Variants in ANKRD13D observed in about 807,000 individuals in gnomAD.
ANKRD13D encodes the protein ankyrin repeat domain-containing protein 13D.
A neutral mutation model predicts 68.8 loss-of-function variants in ANKRD13D; 24 were observed. The observed-to-expected ratio is 0.35, with a 90% CI of 0.25 to 0.49. The LOEUF (loss-of-function observed/expected upper bound fraction) is 0.49. Ranked by LOEUF, ANKRD13D falls within the 20% of genes least tolerant of loss-of-function variation. The pLI, the probability that ANKRD13D is intolerant of heterozygous loss-of-function variation, is 0.99. For missense variants in ANKRD13D, 735 were observed against 832.1 expected (o/e 0.88, Z 1.44); for synonymous variants, 331 against 336.1 (o/e 0.98, Z 0.16).
chr11:67,301,919 T>C lies in ANKRD13D; in HGVS notation c.1604+96T>C, dbSNP rs1590877344. 1 of 1,397,492 alleles carries C rather than the reference T, an allele frequency of 7.2e-7. No homozygotes were observed. Among genetic ancestry groups the C allele is most frequent in the South Asian group, 1.4e-5 (1 of 70,768 alleles). 86.6% of individuals were successfully genotyped at this position (1,397,492 alleles called of 1,614,324 possible). On this transcript the variant is annotated intron_variant, in intron 14 of 14. Transcript: ENST00000511455. The surrounding 1 kb of genome is among the most constrained non-coding windows in gnomAD (Gnocchi z 4.5). The stretch of plus-strand genomic sequence containing the variant: ...GAAGGTGCTAGGACCCCAGGCCCTC[T>C]GCAAGGCCACCCTCTGTCAGCAGCG...
rs372406841 is a variant in ANKRD13D at position 67,299,926 on chromosome 11, G to C, written c.942+38G>C. Reference sequence around the variant, plus strand: ...TGGGCCGAGACAGGGCTGGCGGGGGGCCGAGCCTGGGCGGGAGGGCACCCT... The same window carrying C: ...TGGGCCGAGACAGGGCTGGCGGGGGCCCGAGCCTGGGCGGGAGGGCACCCT... On this transcript the variant is annotated intron_variant, in intron 9 of 14. Coordinates refer to ENST00000511455, the MANE Select transcript of ANKRD13D (RefSeq NM_207354.3). This position sits in a 1 kb window ranked among gnomAD's most constrained non-coding sequence, Gnocchi z 6.2. 6.4e-7 allele frequency: 1 copy of C among 1,564,656 alleles called. No homozygotes were observed. Among genetic ancestry groups the C allele is most frequent in the Admixed American group, 1.8e-5 (1 of 55,916 alleles).
At chr11:67,297,526 GTTTT>G in intron 6 of ANKRD13D, among the ~76,000 whole-genome samples, 1 of 134,394 alleles carries the variant, frequency 7.4e-6, no homozygotes, top group East Asian at 2.2e-4. Context: ...AAGTTTTTTG[GTTTT>G]TTTTTTTTTT....
intron 6 of ANKRD13D, chr11:67,298,507 C>T (rs1366453218): frequency 6.3e-6 from 1 of 157,796 alleles, no homozygotes; most frequent in African/African-American, 2.4e-5. Context: ...TCTTCTGGTT[C>T]TTTGTTGATC....
rs1590873543 is a variant in ANKRD13D, at chr11:67,299,707, G to C, written c.880+96G>C. The C allele has an allele frequency of 2.0e-6, 3 of 1,527,552 alleles. No individual in the cohort carries two copies. The East Asian group carries it at 7.2e-5, about 36-fold the overall frequency. 94.6% of individuals were successfully genotyped at this position (1,527,552 alleles called of 1,614,324 possible). A position where few individuals can be genotyped will look rare whatever the true frequency, so the allele number is the denominator to read the frequency against. On this transcript the variant is annotated intron_variant, in intron 8 of 14. Transcript: ENST00000511455. This position sits in a 1 kb window ranked among gnomAD's most constrained non-coding sequence, Gnocchi z 6.2. Reference sequence around the variant, plus strand: ...GGCCAGAGTTTCCCAGGATGAGCTGGGAGGCCTCCCCATTCCCGTCTGACC... The same window carrying C: ...GGCCAGAGTTTCCCAGGATGAGCTGCGAGGCCTCCCCATTCCCGTCTGACC...
intron 1 of ANKRD13D, chr11:67,289,776 C>T (rs994498600): frequency 4.6e-5 from 65 of 1,420,586 alleles, no homozygotes; most frequent in South Asian, 1.2e-4. Flanking sequence ...GAACTCGCTT[C>T]CGCATCCTTG....
At position 67,300,267 on chromosome 11, in the gene ANKRD13D, C is replaced by T; in HGVS notation, c.1073+144C>T. On this transcript the variant is annotated intron_variant, in intron 10 of 14. Transcript: ENST00000511455. The surrounding 1 kb of genome is among the most constrained non-coding windows in gnomAD (Gnocchi z 4.3). ...CCTGGAGGGCAGGAGTCATGTCTGC[C>T]TTATCCATGGTCCTCAGCCCTTAGC... 1 of 1,223,504 alleles carries T rather than the reference C, an allele frequency of 8.2e-7. No individual in the cohort carries two copies. Among genetic ancestry groups the T allele is most frequent in the Non-Finnish European group, 1.1e-6 (1 of 887,840 alleles). The allele number at this position is 1,223,504 out of a possible 1,614,324, so 75.8% of individuals were successfully genotyped here.
In ANKRD13D at chr11:67,301,218, G is replaced by A. The variant is rs1469386396; in HGVS notation, c.1232-64G>A. ...CCTCCCTCAGCGCAGTCCCTGGAGA[G>A]CTGCAGGGGCCGGAGGCACAGGTGG... On this transcript the variant is annotated intron_variant, in intron 11 of 14. Transcript: ENST00000511455. This position sits in a 1 kb window ranked among gnomAD's most constrained non-coding sequence, Gnocchi z 4.5. The A allele has an allele frequency of 6.3e-7, 1 of 1,596,576 alleles. No individual in the cohort carries two copies. Among genetic ancestry groups the A allele is most frequent in the Non-Finnish European group, 8.5e-7 (1 of 1,169,774 alleles).
At chr11:67,290,570 G>A in intron 3 of ANKRD13D, 124 bp downstream of exon 3, 4 of 1,414,920 alleles carry the variant, frequency 2.8e-6, no homozygotes, top group Non-Finnish European at 3.8e-6. Context: ...CCAGCAAGGA[G>A]GTCTGTCTAT....
Position 67,300,959 on chromosome 11 carries a change from C to T in ANKRD13D, c.1074-31C>T. The T allele has an allele frequency of 6.2e-7, 1 of 1,611,196 alleles. No homozygotes were observed. Among genetic ancestry groups the T allele is most frequent in the Non-Finnish European group, 8.5e-7 (1 of 1,178,716 alleles). On this transcript the variant is annotated intron_variant, in intron 10 of 14. Coordinates refer to ENST00000511455, the MANE Select transcript of ANKRD13D (RefSeq NM_207354.3). The surrounding 1 kb of genome is among the most constrained non-coding windows in gnomAD (Gnocchi z 4.3). ...CTCAATGGAAGGGCCACCAGCCGTG[C>T]CTCACCCATGTCCTGTGGTCGGCTG...
In ANKRD13D at chr11:67,300,876, C is replaced by A; in HGVS notation, c.1074-114C>A. ...GCAGCGGCATCTGAGCAGAGCAGGG[C>A]ACTCCAGGCCAGGCAGAAGGTGGGT... On this transcript the variant is annotated intron_variant, in intron 10 of 14. Transcript: ENST00000511455. The surrounding 1 kb of genome is among the most constrained non-coding windows in gnomAD (Gnocchi z 4.3). The A allele has an allele frequency of 7.5e-7, 1 of 1,337,142 alleles. No individual in the cohort carries two copies. The highest frequency in any genetic ancestry group is 1.0e-6 in the Non-Finnish European group (1 of 980,120). The allele number at this position is 1,337,142 out of a possible 1,614,324, so 82.8% of individuals were successfully genotyped here. A position where few individuals can be genotyped will look rare whatever the true frequency, so the allele number is the denominator to read the frequency against.
In ANKRD13D at chr11:67,301,898, G is replaced by T. The variant is rs1335191985; in HGVS notation, c.1604+75G>T. The T allele has an allele frequency of 5.4e-6, 8 of 1,469,646 alleles. No homozygotes were observed. Among genetic ancestry groups the T allele is most frequent in the African/African-American group, 2.8e-5 (2 of 71,142 alleles). 91.0% of individuals were successfully genotyped at this position (1,469,646 alleles called of 1,614,324 possible). On this transcript the variant is annotated intron_variant, in intron 14 of 14. Coordinates refer to ENST00000511455, the MANE Select transcript of ANKRD13D (RefSeq NM_207354.3). The surrounding 1 kb of genome is among the most constrained non-coding windows in gnomAD (Gnocchi z 4.5). ...TGGCGGGGAGGGGGATAGCAGGAAG[G>T]TGCTAGGACCCCAGGCCCTCTGCAA...
chr11:67,291,744 A>G lies in ANKRD13D; in HGVS notation c.539A>G (p.Gln180Arg). 4 of 1,613,866 alleles carry G rather than the reference A, an allele frequency of 2.5e-6. No homozygotes were observed. The highest frequency in any genetic ancestry group is 3.4e-6 in the Non-Finnish European group (4 of 1,180,022). Residue 180 changes from glutamine to arginine, a missense_variant and splice_region_variant, in exon 5 of 15, where the codon CAG becomes CGG. Transcript: ENST00000511455. ...RGRRSFIFKG[Q>R]EAGALVMEVD... ...CGGAGGAGCTTCATCTTCAAGGGCC[A>G]GGGTGAGCTCTGGACAAACTCATTG...
rs549149064 is a variant in ANKRD13D, at chr11:67,289,323, TGCC to T, written c.-117_-115del. The T allele has an allele frequency of 6.7e-3, 2,480 of 372,378 alleles. No individual in the cohort carries two copies. The highest frequency in any genetic ancestry group is 8.8e-3 in the Middle Eastern group (7 of 792). The allele number at this position is 372,378 out of a possible 1,614,324, so 23.1% of individuals were successfully genotyped here. ...GCCCCGCCCTCCCTGCCGCCCGCGCTGCCGCCGCCGCCGCCGCCGCCGCTACTG... is the reference window on the plus strand; with the variant it reads ...GCCCCGCCCTCCCTGCCGCCCGCGCTGCCGCCGCCGCCGCCGCCGCTACTG... On this transcript the variant is annotated 5_prime_UTR_variant, in exon 1 of 15. Transcript: ENST00000511455.
intron 1 of ANKRD13D, 147 bp from the exon 2 acceptor site, chr11:67,289,931 C>A (rs1251975127): frequency 1.7e-5 from 24 of 1,444,854 alleles, no homozygotes; most frequent in Non-Finnish European, 3.6e-6. Flanking sequence ...CTCTCCCCTG[C>A]CAGGACACGC....
intron 1 of ANKRD13D, 66 bp downstream of exon 1, chr11:67,289,616 C>CGGGGGGGGGGGGGGGGGGGGGGGGGG: frequency 7.8e-7 from 1 of 1,286,928 alleles, no homozygotes; most frequent in Non-Finnish European, 1.0e-6. Context: ...GGCCTCCGTC[C>CGGGGGGGGGGGGGGGGGGGGGGGGGG]TGGAGCCCCC....
chr11:67,301,437 C>T lies in ANKRD13D; in HGVS notation c.1348+39C>T. 1.2e-6 allele frequency: 2 copies of T among 1,607,504 alleles called. No individual in the cohort carries two copies. The highest frequency in any genetic ancestry group is 1.7e-6 in the Non-Finnish European group (2 of 1,176,288). On this transcript the variant is annotated intron_variant, in intron 12 of 14. Transcript: ENST00000511455. This position sits in a 1 kb window ranked among gnomAD's most constrained non-coding sequence, Gnocchi z 4.5. Reference sequence around the variant, plus strand: ...AGGAAGAGGGAGCCTGCACAGCTTTCTGGTCACCAAGCCCCGCGGGTTGAG... The same window carrying T: ...AGGAAGAGGGAGCCTGCACAGCTTTTTGGTCACCAAGCCCCGCGGGTTGAG...
chr11:67,299,980 G>A lies in ANKRD13D; in HGVS notation c.943-13G>A. 6.2e-7 allele frequency: 1 copy of A among 1,609,618 alleles called. No homozygotes were observed. Among genetic ancestry groups the A allele is most frequent in the Non-Finnish European group, 8.5e-7 (1 of 1,177,326 alleles). Reference sequence around the variant, plus strand: ...TCACCTTGATGGCTGAGTCCGCCCTGGGACCCACGCAGGCCCCCGTGCAGC... The same window carrying A: ...TCACCTTGATGGCTGAGTCCGCCCTAGGACCCACGCAGGCCCCCGTGCAGC... On this transcript the variant is annotated splice_polypyrimidine_tract_variant and intron_variant, in intron 9 of 14. Coordinates refer to ENST00000511455, the MANE Select transcript of ANKRD13D (RefSeq NM_207354.3). This position sits in a 1 kb window ranked among gnomAD's most constrained non-coding sequence, Gnocchi z 6.2.
chr11:67,291,465 GT>G lies in ANKRD13D; in HGVS notation c.352-8del, dbSNP rs1565075597. ...GGCAGGGCGCTGACAAGCAGCTCTG[GT>G]TTCTCTTAGGCCCCCGATTTCTACG... On this transcript the variant is annotated splice_polypyrimidine_tract_variant and intron_variant, in intron 3 of 14. Transcript: ENST00000511455. The G allele has an allele frequency of 1.2e-6, 2 of 1,613,670 alleles. No homozygotes were observed. Among genetic ancestry groups the G allele is most frequent in the South Asian group, 2.2e-5 (2 of 91,066 alleles).
Position 67,300,212 on chromosome 11 carries a change from C to G in ANKRD13D, c.1073+89C>G. ...GGCCTGTCATAGTTAGGGACCCACT[C>G]CCTCGGCTGGCTTCTCTCTGGACTC... On this transcript the variant is annotated intron_variant, in intron 10 of 14. Transcript: ENST00000511455. This position sits in a 1 kb window ranked among gnomAD's most constrained non-coding sequence, Gnocchi z 4.3. The G allele has an allele frequency of 6.4e-7, 1 of 1,556,686 alleles. No homozygotes were observed. Among genetic ancestry groups the G allele is most frequent in the East Asian group, 2.3e-5 (1 of 44,028 alleles).
Sources: gnomAD v4.1 joint callset for allele counts (sites outside exome capture counted in the v4.1 genomes callset) on GRCh38, gnomAD v4.1.1 for gene constraint, Gnocchi (gnomAD v3.1) non-coding constraint, MANE v1.5 for transcripts, NCBI Gene and HGNC (gene_info 2026-07-23, HGNC 2026-07-21) for gene names.